The following DPP6 variants were observed in gnomAD, a reference collection of about 807,000 sequenced individuals.
The protein encoded by DPP6 is dipeptidyl peptidase like 6, also known as A-type potassium channel modulatory protein DPP6.
Under a neutral mutation model 122.6 loss-of-function variants are expected in DPP6, and 69 were observed. That is an observed-to-expected ratio of 0.56 (90% CI 0.46 to 0.69). The LOEUF (loss-of-function observed/expected upper bound fraction) is 0.69, where lower values mean the gene tolerates loss of function less well. DPP6 is among the 30% of genes least tolerant of loss of function. DPP6 has a pLI of 0.00. For missense variants in DPP6, 928 were observed against 1,116.9 expected (o/e 0.83, Z 2.41); for synonymous variants, 418 against 433.1 (o/e 0.97, Z 0.43).
chr7:154,806,613 G>C (rs1004417099), intron 15 of DPP6, among the ~76,000 whole-genome samples: 13 of 152,194 alleles, frequency 8.5e-5, no homozygotes, highest in African/African-American at 2.9e-4. Flanking sequence ...ACTGTTCTCA[G>C]ATTGCTAGCC....
chr7:154,824,869 G>A (rs1026847163), intron 16 of DPP6, among the ~76,000 whole-genome samples: 1 of 152,114 alleles, frequency 6.6e-6, no homozygotes, highest in Admixed American at 6.5e-5. Flanking sequence ...GTCATATAAC[G>A]GAGGCCACTG....
intron 1 of DPP6, among the ~76,000 whole-genome samples, chr7:154,375,357 G>A (rs1041979374): frequency 9.2e-5 from 14 of 152,118 alleles, no homozygotes; most frequent in African/African-American, 3.1e-4. Context: ...GGTAGGAAAT[G>A]GAGTGAGGCA....
At chr7:153,765,945 G>A in the DPP6 span, among the ~76,000 whole-genome samples, 1 of 152,142 alleles carries the variant, frequency 6.6e-6, no homozygotes, top group Admixed American at 6.5e-5. Context: ...GTTAAAATGT[G>A]GATTCTGATT....
intron 11 of DPP6, among the ~76,000 whole-genome samples, chr7:154,794,980 C>T (rs917073757): frequency 6.6e-6 from 1 of 152,092 alleles, no homozygotes; most frequent in East Asian, 1.9e-4. Context: ...GCTCCTAACA[C>T]GACAGCTGTG....
intron 1 of DPP6, among the ~76,000 whole-genome samples, chr7:154,134,440 A>G (rs1040514975): frequency 7.2e-5 from 11 of 152,116 alleles, no homozygotes; most frequent in Non-Finnish European, 1.5e-4. Flanking sequence ...AAGGAAGAAG[A>G]CATGGCGGGG....
chr7:154,413,391 T>TTTGTGC (rs1563628126), intron 1 of DPP6, among the ~76,000 whole-genome samples: 1 of 152,196 alleles, frequency 6.6e-6, no homozygotes, highest in Non-Finnish European at 1.5e-5. Flanking sequence ...AGTGAGGTAA[T>TTTGTGC]TTGTGCTGAA....
intron 1 of DPP6, among the ~76,000 whole-genome samples, chr7:154,407,500 A>G (rs1294451099): frequency 3.9e-5 from 6 of 152,146 alleles, no homozygotes; most frequent in African/African-American, 1.2e-4. Context: ...TTTCGCTACA[A>G]CGATTTTGCC....
rs978132860 is a variant in DPP6, at chr7:153,913,896, A to G, written c.51+26162A>G. Among the ~76,000 whole-genome samples the G allele has an allele frequency of 2.0e-4, 31 of 152,190 alleles. 1 individual carries two copies. The highest frequency in any genetic ancestry group is 7.2e-4 in the African/African-American group (30 of 41,450). The stretch of plus-strand genomic sequence containing the variant: ...CAAACTCTTAACATTTGAAAATTAT[A>G]TAGTAGAAATACGGACTTTCTTATG... On this transcript the variant is annotated intron_variant, in intron 1 of 25. Coordinates refer to the DPP6 transcript ENST00000404039.
At chr7:154,023,752 G>T (rs952415202) in intron 1 of DPP6, among the ~76,000 whole-genome samples, 9 of 152,226 alleles carry the variant, frequency 5.9e-5, no homozygotes, top group African/African-American at 1.7e-4. Flanking sequence ...AAAGTGCTGG[G>T]ATTACAGGTG....
intron 1 of DPP6, among the ~76,000 whole-genome samples, chr7:154,366,722 T>C (rs1174037466): frequency 1.3e-5 from 2 of 151,968 alleles, no homozygotes; most frequent in Non-Finnish European, 2.9e-5. Flanking sequence ...AAGAATTGGG[T>C]GAGGTAGAAC....
intron 16 of DPP6, among the ~76,000 whole-genome samples, chr7:154,809,886 T>C (rs1202131990): frequency 2.0e-5 from 3 of 152,226 alleles, no homozygotes; most frequent in Non-Finnish European, 4.4e-5. Flanking sequence ...TTGTTGTTGT[T>C]TGAGATGGAG....
chr7:154,611,083 G>T (rs1833884736), intron 5 of DPP6, among the ~76,000 whole-genome samples: 1 of 152,060 alleles, frequency 6.6e-6, no homozygotes, highest in Non-Finnish European at 1.5e-5. Flanking sequence ...ATTATAGATG[G>T]TTTCATGCAG....
intron 1 of DPP6, among the ~76,000 whole-genome samples, chr7:154,151,300 C>T (rs1269450583): frequency 2.0e-5 from 3 of 152,186 alleles, no homozygotes; most frequent in African/African-American, 7.2e-5. Context: ...CTCAGCAGCC[C>T]CTGGCTTGTC....
At chr7:154,565,771 C>T (rs569852537) in intron 4 of DPP6, among the ~76,000 whole-genome samples, 17 of 152,150 alleles carry the variant, frequency 1.1e-4, no homozygotes, top group Non-Finnish European at 1.9e-4. Context: ...GTGATCCACC[C>T]GCCTCGGCCT....
intron 1 of DPP6, among the ~76,000 whole-genome samples, chr7:154,315,728 G>A (rs992352178): frequency 5.9e-5 from 9 of 152,114 alleles, no homozygotes; most frequent in Non-Finnish European, 1.0e-4. Context: ...GTAATGGACC[G>A]TGATCCATGT....
chr7:154,354,614 T>C (rs1811126707), intron 1 of DPP6, among the ~76,000 whole-genome samples: 1 of 152,240 alleles, frequency 6.6e-6, no homozygotes, highest in African/African-American at 2.4e-5. Context: ...CGGTTTGGCT[T>C]GCTTTGGAAC....
In DPP6 at chr7:154,486,291, G is replaced by A. The variant is rs1175768795; in HGVS notation, c.457+11254G>A. Among the ~76,000 whole-genome samples the A allele has an allele frequency of 2.6e-5, 4 of 151,986 alleles. No individual in the cohort carries two copies. The highest frequency in any genetic ancestry group is 5.9e-5 in the Non-Finnish European group (4 of 67,996). On this transcript the variant is annotated intron_variant, in intron 3 of 25. Coordinates refer to ENST00000377770, the MANE Select transcript of DPP6 (RefSeq NM_130797.4). The surrounding 1 kb of genome is among the most constrained non-coding windows in gnomAD (Gnocchi z 4.5). ...TGGGACTACAGGTGTGTGCCACCAC[G>A]CCCAGCTAATTTTTGTATTTTTAGA... is the stretch of plus-strand genomic sequence containing the variant.
chr7:153,844,946 AT>A, the DPP6 span, among the ~76,000 whole-genome samples: 1 of 152,202 alleles, frequency 6.6e-6, no homozygotes, highest in Non-Finnish European at 1.5e-5. Context: ...GCTGTGAAAT[AT>A]TTGGCCATCC....
chr7:153,771,529 A>G, the DPP6 span, among the ~76,000 whole-genome samples: 2 of 152,002 alleles, frequency 1.3e-5, no homozygotes, highest in African/African-American at 4.8e-5. Flanking sequence ...TAGTAGAGAC[A>G]AGGTTTCACC....
Sources: allele counts gnomAD v4.1 joint callset (sites outside exome capture counted in the v4.1 genomes callset), GRCh38; gene constraint gnomAD v4.1.1; non-coding constraint Gnocchi (gnomAD v3.1); transcripts MANE v1.5; gene names NCBI Gene and HGNC (gene_info 2026-07-23, HGNC 2026-07-21).